The following MAP3K13 variants were observed in gnomAD, a reference collection of about 807,000 sequenced individuals.
The protein encoded by MAP3K13 is mitogen-activated protein kinase kinase kinase 13.
In MAP3K13, 52 loss-of-function variants were observed where a neutral mutation model predicts 104.0. The ratio of observed to expected loss-of-function variants is 0.50; its 90% CI spans 0.40 to 0.63. MAP3K13 has a LOEUF of 0.63. Among genes scored for constraint, MAP3K13 ranks in the 20% least tolerant of loss-of-function variants. The pLI, the probability that MAP3K13 is intolerant of heterozygous loss-of-function variation, is 0.00. For synonymous variants in MAP3K13, 394 were observed against 442.2 expected (o/e 0.89, Z 1.37); for missense variants, 914 against 1,218.5 (o/e 0.75, Z 3.72).
chr3:185,437,690 A>G (rs1187683278), intron 3 of MAP3K13, 60 bp downstream of exon 3: 1 of 1,461,560 alleles, frequency 6.8e-7, no homozygotes, highest in African/African-American at 1.4e-5. Context: ...CAATATATAC[A>G]CACAAGTTTC....
In MAP3K13 at chr3:185,300,801, T is replaced by C. The variant is rs927367934; in HGVS notation, c.-86+15158T>C. ...GCCACCACGCCTGGCCTACCTTCTT[T>C]TTTAAGGCTGAATAATATCCATTGT... is the stretch of plus-strand genomic sequence containing the variant. On this transcript the variant is annotated intron_variant, in intron 2 of 14. Coordinates refer to the MAP3K13 transcript ENST00000424227. Among the ~76,000 whole-genome samples the C allele has an allele frequency of 3.3e-5, 5 of 152,218 alleles. 1 individual carries two copies. The highest frequency in any genetic ancestry group is 1.2e-4 in the African/African-American group (5 of 41,460).
intron 2 of MAP3K13, among the ~76,000 whole-genome samples, chr3:185,289,144 A>G (rs767292094): frequency 1.3e-5 from 2 of 152,106 alleles, no homozygotes; most frequent in African/African-American, 2.4e-5. Context: ...TTTGAGGCCA[A>G]ATTTCATTCA....
intron 2 of MAP3K13, among the ~76,000 whole-genome samples, chr3:185,348,829 A>G (rs1723031801): frequency 6.6e-6 from 1 of 152,180 alleles, no homozygotes; most frequent in Non-Finnish European, 1.5e-5. Context: ...AGGCAGGACA[A>G]TCGCTTGAAC....
intron 7 of MAP3K13, among the ~76,000 whole-genome samples, chr3:185,455,180 GATATATA>G (rs1577585936): frequency 1.5e-5 from 1 of 68,166 alleles, no homozygotes; most frequent in East Asian, 3.9e-4. Context: ...AGATATATAT[GATATATA>G]TGAGATATAT....
At position 185,423,602 on chromosome 3, in the gene MAP3K13, T is replaced by A. The variant is rs1714255203; in HGVS notation, c.-85-4895T>A. Among the ~76,000 whole-genome samples the A allele has an allele frequency of 6.6e-6, 1 of 151,966 alleles. No individual in the cohort carries two copies. Among genetic ancestry groups the A allele is most frequent in the Non-Finnish European group, 1.5e-5 (1 of 67,980 alleles). On this transcript the variant is annotated intron_variant, in intron 1 of 13. Coordinates refer to ENST00000265026, the MANE Select transcript of MAP3K13 (RefSeq NM_004721.5). This position sits in a 1 kb window ranked among gnomAD's most constrained non-coding sequence, Gnocchi z 4.1. ...AAGGGCTCCAGTTTTTCTTCTTTCT[T>A]CCCCCTGCCCCAACCTTATATTCCC...
At chr3:185,374,980 A>C (rs1457400386) in intron 1 of MAP3K13, among the ~76,000 whole-genome samples, 1 of 152,178 alleles carries the variant, frequency 6.6e-6, no homozygotes, top group Non-Finnish European at 1.5e-5. Context: ...AAACTGTTGG[A>C]GGGTACTTTG....
intron 1 of MAP3K13, among the ~76,000 whole-genome samples, chr3:185,414,293 A>G (rs893816486): frequency 1.3e-5 from 2 of 152,212 alleles, no homozygotes; most frequent in African/African-American, 4.8e-5. Flanking sequence ...TCACATTGCT[A>G]TGTGTGAGTG....
chr3:185,354,255 T>C (rs1423042065), intron 2 of MAP3K13, among the ~76,000 whole-genome samples: 1 of 151,242 alleles, frequency 6.6e-6, no homozygotes, highest in African/African-American at 2.4e-5. Context: ...ATCTATCTGC[T>C]AAGGGTCTGC....
At chr3:185,344,284 T>G (rs1327341197) in intron 2 of MAP3K13, among the ~76,000 whole-genome samples, 1 of 151,954 alleles carries the variant, frequency 6.6e-6, no homozygotes, top group Non-Finnish European at 1.5e-5. Context: ...GGGGAGTGAA[T>G]AGATAAGTCA....
In MAP3K13 at chr3:185,473,638, C is replaced by T. The variant is rs767947566; in HGVS notation, c.2307C>T (p.Asn769=). 3.5e-5 allele frequency: 56 copies of T among 1,614,066 alleles called. No individual in the cohort carries two copies. Among genetic ancestry groups the T allele is most frequent in the Non-Finnish European group, 3.1e-5 (37 of 1,180,058 alleles). The part of the protein sequence containing the change: ...KSPAHNPLLE[N]AQSSEKTEEN... ...CAGCACATAATCCTCTCTTGGAAAA[C>T]GCCCAGAGTTCTGAGAAAACGGAAG... The change falls in exon 11 of 14, where the codon AAC becomes AAT. Residue 769 remains asparagine, a synonymous_variant. Coordinates refer to ENST00000265026, the MANE Select transcript of MAP3K13 (RefSeq NM_004721.5). This position sits in a 1 kb window ranked among gnomAD's most constrained non-coding sequence, Gnocchi z 4.9.
chr3:185,408,396 A>T (rs373182086), intron 1 of MAP3K13, among the ~76,000 whole-genome samples: 5 of 152,024 alleles, frequency 3.3e-5, no homozygotes, highest in African/African-American at 7.3e-5. Flanking sequence ...ACATGGTGAA[A>T]TGCCATCTCC....
chr3:185,478,292 C>A (rs1305255856), intron 12 of MAP3K13, among the ~76,000 whole-genome samples: 1 of 152,068 alleles, frequency 6.6e-6, no homozygotes. Context: ...ACCAAGAGGT[C>A]TTTTTCTGCT....
intron 2 of MAP3K13, among the ~76,000 whole-genome samples, chr3:185,300,245 A>G (rs1721055435): frequency 6.9e-6 from 1 of 143,900 alleles, no homozygotes; most frequent in South Asian, 2.2e-4. Context: ...GCTAGAGTGC[A>G]GTGGCACGAT....
At chr3:185,375,663 C>T (rs1056620225) in intron 1 of MAP3K13, among the ~76,000 whole-genome samples, 3 of 152,192 alleles carry the variant, frequency 2.0e-5, no homozygotes, top group Admixed American at 6.5e-5. Flanking sequence ...CAAGTTGGAA[C>T]GCTAGCTGCT....
rs1723933986 is a variant in MAP3K13, at chr3:185,367,283, G to T, written c.-86+3915G>T. Reference sequence around the variant, plus strand: ...CCAGAGATTTATATTTAATTGGTTTGTGATGGGACCCAGTGATGATGTATT... The same window carrying T: ...CCAGAGATTTATATTTAATTGGTTTTTGATGGGACCCAGTGATGATGTATT... On this transcript the variant is annotated intron_variant, in intron 1 of 13. Transcript: ENST00000265026. Among the ~76,000 whole-genome samples the T allele has an allele frequency of 4.6e-5, 7 of 152,202 alleles. No homozygotes were observed. The South Asian group carries it at 1.4e-3, about 31-fold the overall frequency.
chr3:185,455,799 G>GATATATGAGAT, intron 7 of MAP3K13, among the ~76,000 whole-genome samples: 1 of 52,452 alleles, frequency 1.9e-5, no homozygotes, highest in African/African-American at 8.9e-5. Flanking sequence ...ATATATATGA[G>GATATATGAGAT]ATATATGAGA....
At chr3:185,437,688 A>G in intron 3 of MAP3K13, 58 bp downstream of exon 3, 1 of 1,469,558 alleles carries the variant, frequency 6.8e-7, no homozygotes, top group South Asian at 1.3e-5. Context: ...CCCAATATAT[A>G]CACACAAGTT....
chr3:185,443,747 A>G (rs1251207103), intron 4 of MAP3K13, 111 bp downstream of exon 4: 1 of 871,636 alleles, frequency 1.1e-6, no homozygotes, highest in Non-Finnish European at 1.8e-6. Flanking sequence ...TTCAGTTTCA[A>G]TCAGCACAGT....
intron 2 of MAP3K13, among the ~76,000 whole-genome samples, chr3:185,339,045 C>G (rs111931799): frequency 9.2e-5 from 14 of 152,214 alleles, no homozygotes; most frequent in Admixed American, 6.5e-4. Flanking sequence ...CTAGGCTGGG[C>G]GTGGTGGCTG....
Sources: allele counts gnomAD v4.1 joint callset (sites outside exome capture counted in the v4.1 genomes callset), GRCh38; gene constraint gnomAD v4.1.1; non-coding constraint Gnocchi (gnomAD v3.1); transcripts MANE v1.5; gene names NCBI Gene and HGNC (gene_info 2026-07-23, HGNC 2026-07-21).